The following DTD1 variants were observed in gnomAD, a reference collection of about 807,000 sequenced individuals.
DTD1 encodes the protein D-aminoacyl-tRNA deacylase 1.
DTD1 carries 13 observed loss-of-function variants against 25.6 expected under a neutral mutation model. The observed-to-expected ratio is 0.51, with a 90% CI of 0.33 to 0.81. The LOEUF is 0.81. Among genes scored for constraint, DTD1 ranks in the 30% least tolerant of loss-of-function variants. The probability of loss-of-function intolerance (pLI) is 0.02; values close to 1 mark genes in which losing one functional copy is unlikely to be tolerated. For missense variants in DTD1, 193 were observed against 266.4 expected, an observed-to-expected ratio of 0.72 and a Z score of 1.92; for synonymous variants, 110 against 103.6, an observed-to-expected ratio of 1.06 and a Z score of -0.37.
At chr20:18,715,215 A>G (rs1343461382) in intron 4 of DTD1, among the ~76,000 whole-genome samples, 1 of 152,002 alleles carries the variant, frequency 6.6e-6, no homozygotes, top group African/African-American at 2.4e-5. Flanking sequence ...GGGTCAGAAC[A>G]CAGCAAGCCC....
intron 4 of DTD1, among the ~76,000 whole-genome samples, chr20:18,672,795 G>A (rs1026529263): frequency 1.3e-5 from 2 of 152,198 alleles, no homozygotes; most frequent in African/African-American, 4.8e-5. Flanking sequence ...GAATTCAGTA[G>A]GGTCTAGCAA....
At position 18,763,996 on chromosome 20, in the gene DTD1, C is replaced by T. The variant is rs1242607553; in HGVS notation, c.*656C>T. 1 of 152,216 alleles carries T rather than the reference C, an allele frequency of 6.6e-6. No individual in the cohort carries two copies. Among genetic ancestry groups the T allele is most frequent in the Non-Finnish European group, 1.5e-5 (1 of 68,038 alleles). The allele number at this position is 152,216 out of a possible 1,614,324, so 9.4% of individuals were successfully genotyped here. ...CCTCTCTCTATGCGTATCTACACTT[C>T]TTTTCACATAAGTCTCTCGCAAGAG... On this transcript the variant is annotated 3_prime_UTR_variant, in exon 6 of 6. Transcript: ENST00000377452.
Position 18,613,499 on chromosome 20 carries a change from G to A in DTD1, c.371-14628G>A, listed in dbSNP as rs573056234. ...TTTTATTTTCATAAGATACTTTTAG[G>A]GGCTTCTGCTGCCAGTGCTGAGGGC... On this transcript the variant is annotated intron_variant, in intron 3 of 5. Transcript: ENST00000377452. Among the ~76,000 whole-genome samples, 26 of 152,228 alleles carry A rather than the reference G, an allele frequency of 1.7e-4. No homozygotes were observed. In the South Asian group the frequency reaches 5.2e-3, roughly 30 times the overall value.
At chr20:18,710,921 C>T (rs991922621) in intron 4 of DTD1, among the ~76,000 whole-genome samples, 5 of 152,162 alleles carry the variant, frequency 3.3e-5, no homozygotes, top group African/African-American at 1.2e-4. Context: ...GGAGGTTGGG[C>T]AGACAGTTTT....
chr20:18,646,305 G>C (rs1198335363), intron 4 of DTD1, among the ~76,000 whole-genome samples: 1 of 152,096 alleles, frequency 6.6e-6, no homozygotes, highest in Non-Finnish European at 1.5e-5. Flanking sequence ...TCCTTGTGCA[G>C]ATGCCTGCTG....
At chr20:18,588,968 A>G (rs2060577831) in intron 1 of DTD1, 1 of 759,328 alleles carries the variant, frequency 1.3e-6, no homozygotes, top group East Asian at 1.3e-4. Context: ...GCACAACTAT[A>G]TTGTTTCAGT....
At chr20:18,632,551 CT>C in intron 4 of DTD1, 1 of 985,380 alleles carries the variant, frequency 1.0e-6, no homozygotes, top group Non-Finnish European at 1.2e-6. Context: ...CAGCCAAATT[CT>C]TTTTACTGAT....
At chr20:18,752,829 C>T (rs935184451) in intron 5 of DTD1, among the ~76,000 whole-genome samples, 1 of 152,164 alleles carries the variant, frequency 6.6e-6, no homozygotes, top group African/African-American at 2.4e-5. Context: ...TGTTCCCAAA[C>T]CTTAAGTGTC....
chr20:18,616,222 CTCAT>C (rs567574444), intron 3 of DTD1, among the ~76,000 whole-genome samples: 93 of 152,260 alleles, frequency 6.1e-4, no homozygotes, highest in African/African-American at 2.1e-3. Context: ...TATATTTTCT[CTCAT>C]TCTTTCCTTT....
intron 4 of DTD1, among the ~76,000 whole-genome samples, chr20:18,710,245 A>G (rs1198770581): frequency 1.3e-5 from 2 of 152,198 alleles, no homozygotes; most frequent in Admixed American, 1.3e-4. Context: ...TCCTAATAAA[A>G]TTTTCTATTA....
chr20:18,697,692 T>C (rs1219012573), intron 4 of DTD1, among the ~76,000 whole-genome samples: 1 of 152,214 alleles, frequency 6.6e-6, no homozygotes, highest in African/African-American at 2.4e-5. Flanking sequence ...ATTTTTTGTT[T>C]GTTTGTTTTT....
intron 5 of DTD1, among the ~76,000 whole-genome samples, chr20:18,751,504 T>C (rs2122530772): frequency 6.6e-6 from 1 of 152,202 alleles, no homozygotes; most frequent in South Asian, 2.1e-4. Context: ...TTTTTTTTTT[T>C]TTGAGGTGGA....
chr20:18,666,503 T>C (rs1315919407), intron 4 of DTD1, among the ~76,000 whole-genome samples: 1 of 152,232 alleles, frequency 6.6e-6, no homozygotes, highest in African/African-American at 2.4e-5. Flanking sequence ...TAATTGCAGA[T>C]AAACAAGAAA....
At chr20:18,623,874 CTGTGTGTGTGTG>C (rs55984974) in intron 3 of DTD1, among the ~76,000 whole-genome samples, 1 of 143,626 alleles carries the variant, frequency 7.0e-6, no homozygotes, top group African/African-American at 2.6e-5. Context: ...ACAAGAAGAA[CTGTGTGTGTGTG>C]TGTGTGTGTG....
At chr20:18,709,121 G>A (rs1234566288) in intron 4 of DTD1, among the ~76,000 whole-genome samples, 5 of 152,150 alleles carry the variant, frequency 3.3e-5, no homozygotes, top group African/African-American at 1.2e-4. Context: ...TGTACAGAGC[G>A]TGTTATTTCC....
chr20:18,601,570 G>T (rs1188740808), intron 3 of DTD1, among the ~76,000 whole-genome samples: 1 of 150,850 alleles, frequency 6.6e-6, no homozygotes, highest in Non-Finnish European at 1.5e-5. Context: ...CACGCAGCTG[G>T]AGATCTGAGA....
At chr20:18,757,155 T>TA (rs2061342473) in intron 5 of DTD1, among the ~76,000 whole-genome samples, 2 of 152,346 alleles carry the variant, frequency 1.3e-5, no homozygotes, top group East Asian at 3.9e-4. Flanking sequence ...GCTTATCAGC[T>TA]TAAGGAGATT....
intron 4 of DTD1, among the ~76,000 whole-genome samples, chr20:18,708,184 T>A (rs56269586): frequency 9.7e-5 from 9 of 92,724 alleles, no homozygotes; most frequent in South Asian, 3.3e-4. Context: ...TATATATATT[T>A]TATATATATA....
intron 4 of DTD1, among the ~76,000 whole-genome samples, chr20:18,725,600 A>C (rs1261809260): frequency 6.6e-6 from 1 of 152,094 alleles, no homozygotes; most frequent in Non-Finnish European, 1.5e-5. Context: ...CTCTTTCTCT[A>C]AGGTGCTCCA....
Sources: allele counts gnomAD v4.1 joint callset (sites outside exome capture counted in the v4.1 genomes callset), GRCh38; gene constraint gnomAD v4.1.1; transcripts MANE v1.5; gene names NCBI Gene and HGNC (gene_info 2026-07-23, HGNC 2026-07-21).